Variants in ZC2HC1B observed in about 807,000 individuals in gnomAD.
ZC2HC1B encodes the protein zinc finger C2HC-type containing 1B, also known as zinc finger C2HC domain-containing protein 1B.
Under a neutral mutation model 31.0 loss-of-function variants are expected in ZC2HC1B, and 36 were observed. The observed-to-expected ratio is 1.16, with a 90% CI of 0.89 to 1.54. The LOEUF is 1.54. Among genes scored for constraint, ZC2HC1B ranks in the 40% most tolerant of loss-of-function variants. The pLI is 0.00. For missense variants in ZC2HC1B, 260 were observed against 268.6 expected, an observed-to-expected ratio of 0.97 and a Z score of 0.22; for synonymous variants, 73 against 88.0, an observed-to-expected ratio of 0.83 and a Z score of 0.95.
intron 5 of ZC2HC1B, among the ~76,000 whole-genome samples, chr6:143,902,358 C>T (rs1367114370): frequency 1.3e-5 from 2 of 152,076 alleles, no homozygotes; most frequent in Non-Finnish European, 2.9e-5. Context: ...CAATATAGGC[C>T]TCTAAAAATA....
At chr6:143,891,362 T>C (rs1777601082) in intron 4 of ZC2HC1B, among the ~76,000 whole-genome samples, 2 of 152,086 alleles carry the variant, frequency 1.3e-5, no homozygotes, top group Admixed American at 1.3e-4. Flanking sequence ...ATGGATTCAA[T>C]GTAATTCCAC....
rs1363713390 is a variant in ZC2HC1B at position 143,899,530 on chromosome 6, C to A, written c.489+839C>A. 6.6e-6 allele frequency among the ~76,000 whole-genome samples: 1 copy of A among 152,146 alleles called. No homozygotes were observed. Among genetic ancestry groups the A allele is most frequent in the Non-Finnish European group, 1.5e-5 (1 of 68,016 alleles). ...AGCTGGAACTACAGGTGCATAGCAC[C>A]ACGCCCAGCTAATTTTTTGTATTTT... On this transcript the variant is annotated intron_variant, in intron 5 of 7. Coordinates refer to ENST00000237275, the MANE Select transcript of ZC2HC1B (RefSeq NM_001013623.3). The surrounding 1 kb of genome is among the most constrained non-coding windows in gnomAD (Gnocchi z 5.0).
intron 6 of ZC2HC1B, among the ~76,000 whole-genome samples, chr6:143,930,996 C>T (rs1432993419): frequency 6.6e-6 from 1 of 152,118 alleles, no homozygotes; most frequent in Non-Finnish European, 1.5e-5. Flanking sequence ...TAGTGTAATG[C>T]ATCTCTTTTC....
chr6:143,916,359 G>A (rs576476069), intron 6 of ZC2HC1B, among the ~76,000 whole-genome samples: 5 of 152,320 alleles, frequency 3.3e-5, no homozygotes, highest in African/African-American at 1.2e-4. Flanking sequence ...TGCAGGGGTG[G>A]GGCCCTCATG....
At chr6:143,928,679 T>G (rs1303284337) in intron 6 of ZC2HC1B, among the ~76,000 whole-genome samples, 1 of 152,174 alleles carries the variant, frequency 6.6e-6, no homozygotes, top group Non-Finnish European at 1.5e-5. Context: ...TTGGGCAATG[T>G]GGTCATTTTA....
In ZC2HC1B at chr6:143,913,923, A is replaced by G. The variant is rs1217924285; in HGVS notation, c.598+10771A>G. Reference sequence around the variant, plus strand: ...GATGTTTCAGTTGAAAGCTGTATTCACTTGCCTGTTTTGTTCCTTTCTGTG... The same window carrying G: ...GATGTTTCAGTTGAAAGCTGTATTCGCTTGCCTGTTTTGTTCCTTTCTGTG... On this transcript the variant is annotated intron_variant, in intron 6 of 7. Coordinates refer to ENST00000237275, the MANE Select transcript of ZC2HC1B (RefSeq NM_001013623.3). This position sits in a 1 kb window ranked among gnomAD's most constrained non-coding sequence, Gnocchi z 5.7. Among the ~76,000 whole-genome samples the G allele has an allele frequency of 3.3e-5, 5 of 152,186 alleles. No homozygotes were observed. Among genetic ancestry groups the G allele is most frequent in the African/African-American group, 1.2e-4 (5 of 41,446 alleles).
chr6:143,907,026 G>A (rs1777803693), intron 6 of ZC2HC1B, among the ~76,000 whole-genome samples: 1 of 152,150 alleles, frequency 6.6e-6, no homozygotes, highest in African/African-American at 2.4e-5. Flanking sequence ...GTGAGAACAT[G>A]TGGGATTTGG....
intron 6 of ZC2HC1B, among the ~76,000 whole-genome samples, chr6:143,928,347 A>G (rs9484830): frequency 0.13 from 19,463 of 152,160 alleles, 1,624 homozygotes; most frequent in African/African-American, 0.23. Flanking sequence ...CAATTTTCCC[A>G]GCACCGTTTA....
chr6:143,919,880 G>A (rs1453562559), intron 6 of ZC2HC1B, among the ~76,000 whole-genome samples: 1 of 152,154 alleles, frequency 6.6e-6, no homozygotes, highest in Non-Finnish European at 1.5e-5. Flanking sequence ...TTGTTATCTA[G>A]GAGGGGAGAC....
Position 143,934,959 on chromosome 6 carries a change from G to T in ZC2HC1B, c.599-2690G>T, listed in dbSNP as rs1160571429. On this transcript the variant is annotated intron_variant, in intron 6 of 7. Transcript: ENST00000237275. The surrounding 1 kb of genome is among the most constrained non-coding windows in gnomAD (Gnocchi z 4.6). ...TGCTCAGGTGCCAGCAGTGGCGATG[G>T]TGGGTGGCTCTTCAGGTTCCTGGGT... 6.6e-6 allele frequency among the ~76,000 whole-genome samples: 1 copy of T among 152,144 alleles called. No homozygotes were observed. The highest frequency in any genetic ancestry group is 2.4e-5 in the African/African-American group (1 of 41,436).
At chr6:143,874,133 A>G (rs1777379133) in intron 1 of ZC2HC1B, among the ~76,000 whole-genome samples, 1 of 152,166 alleles carries the variant, frequency 6.6e-6, no homozygotes. Context: ...CTCAAGTTCA[A>G]ATTTCCACAA....
rs1184811983 is a variant in ZC2HC1B at position 143,917,567 on chromosome 6, T to A, written c.598+14415T>A. 6.6e-6 allele frequency among the ~76,000 whole-genome samples: 1 copy of A among 152,244 alleles called. No individual in the cohort carries two copies. Among genetic ancestry groups the A allele is most frequent in the African/African-American group, 2.4e-5 (1 of 41,470 alleles). On this transcript the variant is annotated intron_variant, in intron 6 of 7. Transcript: ENST00000237275. This position sits in a 1 kb window ranked among gnomAD's most constrained non-coding sequence, Gnocchi z 4.1. ...AATGTCTTTTCCACCCATTTTGTTA[T>A]TGATGTCACAAAATTACATCTTTAT... is the stretch of plus-strand genomic sequence containing the variant.
chr6:143,935,891 C>T (rs929614670), intron 6 of ZC2HC1B, among the ~76,000 whole-genome samples: 7 of 152,052 alleles, frequency 4.6e-5, no homozygotes, highest in African/African-American at 1.7e-4. Flanking sequence ...CTCAAGCAAT[C>T]CTCCTGCCTT....
In ZC2HC1B at chr6:143,908,521, T is replaced by A. The variant is rs1168318212; in HGVS notation, c.598+5369T>A. 6.6e-6 allele frequency among the ~76,000 whole-genome samples: 1 copy of A among 152,206 alleles called. No individual in the cohort carries two copies. Among genetic ancestry groups the A allele is most frequent in the Non-Finnish European group, 1.5e-5 (1 of 68,038 alleles). ...CTTGTTAGCTGTATTCCTGGGCATT[T>A]TATTCTTTCTGTGACAATTGTGAAT... On this transcript the variant is annotated intron_variant, in intron 6 of 7. Transcript: ENST00000237275. This position sits in a 1 kb window ranked among gnomAD's most constrained non-coding sequence, Gnocchi z 4.4.
intron 5 of ZC2HC1B, among the ~76,000 whole-genome samples, chr6:143,901,466 G>A (rs1426806230): frequency 6.6e-6 from 1 of 151,470 alleles, no homozygotes; most frequent in Non-Finnish European, 1.5e-5. Context: ...CACCATGTTG[G>A]CCAGGCTGGT....
chr6:143,902,905 CCTTCCCCTGGATT>C, intron 5 of ZC2HC1B, 126 bp from the exon 6 acceptor site: 1 of 713,668 alleles, frequency 1.4e-6, no homozygotes, highest in East Asian at 2.7e-5. Flanking sequence ...GTGTCTGTCC[CCTTCCCCTGGATT>C]CAGGGAGTCC....
chr6:143,923,212 C>G lies in ZC2HC1B; in HGVS notation c.599-14437C>G, dbSNP rs1210770479. Among the ~76,000 whole-genome samples the G allele has an allele frequency of 6.6e-6, 1 of 151,770 alleles. No individual in the cohort carries two copies. The highest frequency in any genetic ancestry group is 1.5e-5 in the Non-Finnish European group (1 of 67,960). On this transcript the variant is annotated intron_variant, in intron 6 of 7. Coordinates refer to ENST00000237275, the MANE Select transcript of ZC2HC1B (RefSeq NM_001013623.3). The surrounding 1 kb of genome is among the most constrained non-coding windows in gnomAD (Gnocchi z 4.8). Reference sequence around the variant, plus strand: ...AGGTATGTCTTCTTTTGAGAAATGCCTACTCAGATCCTTTGCCCACTTTTT... The same window carrying G: ...AGGTATGTCTTCTTTTGAGAAATGCGTACTCAGATCCTTTGCCCACTTTTT...
rs1259436774 is a variant in ZC2HC1B at position 143,923,142 on chromosome 6, C to T, written c.599-14507C>T. 6.6e-6 allele frequency among the ~76,000 whole-genome samples: 1 copy of T among 151,934 alleles called. No homozygotes were observed. Among genetic ancestry groups the T allele is most frequent in the Non-Finnish European group, 1.5e-5 (1 of 67,942 alleles). On this transcript the variant is annotated intron_variant, in intron 6 of 7. Coordinates refer to ENST00000237275, the MANE Select transcript of ZC2HC1B (RefSeq NM_001013623.3). The surrounding 1 kb of genome is among the most constrained non-coding windows in gnomAD (Gnocchi z 4.8). ...AACATTTTTTCCATATACCTGTTGT[C>T]CATTTTTAAGTCCTTTTTTTTTTCC...
rs904989812 is a variant in ZC2HC1B at position 143,913,863 on chromosome 6, G to A, written c.598+10711G>A. ...CTTTTCTTCATTCTCCGTGTATTGAGTTGTTTCCCTAATCAGTCCCAGTGT... is the reference window on the plus strand; with the variant it reads ...CTTTTCTTCATTCTCCGTGTATTGAATTGTTTCCCTAATCAGTCCCAGTGT... On this transcript the variant is annotated intron_variant, in intron 6 of 7. Coordinates refer to ENST00000237275, the MANE Select transcript of ZC2HC1B (RefSeq NM_001013623.3). The surrounding 1 kb of genome is among the most constrained non-coding windows in gnomAD (Gnocchi z 5.7). 6.6e-6 allele frequency among the ~76,000 whole-genome samples: 1 copy of A among 152,200 alleles called. No homozygotes were observed. The highest frequency in any genetic ancestry group is 6.5e-5 in the Admixed American group (1 of 15,286).
Sources: gnomAD v4.1 joint callset for allele counts (sites outside exome capture counted in the v4.1 genomes callset) on GRCh38, gnomAD v4.1.1 for gene constraint, Gnocchi (gnomAD v3.1) non-coding constraint, MANE v1.5 for transcripts, NCBI Gene and HGNC (gene_info 2026-07-23, HGNC 2026-07-21) for gene names.